The following SH3D19 variants were observed in gnomAD, a reference collection of about 807,000 sequenced individuals.
The protein encoded by SH3D19 is SH3 domain-containing protein 19.
SH3D19 carries 58 observed loss-of-function variants against 112.1 expected under a neutral mutation model. The ratio of observed to expected loss-of-function variants is 0.52; its 90% CI spans 0.42 to 0.64. The LOEUF (loss-of-function observed/expected upper bound fraction) is 0.64, where lower values mean the gene tolerates loss of function less well. Among genes scored for constraint, SH3D19 ranks in the 30% least tolerant of loss-of-function variants. The pLI, the probability that SH3D19 is intolerant of heterozygous loss-of-function variation, is 0.00. For missense variants in SH3D19, 1,090 were observed against 1,263.4 expected (o/e 0.86, Z 2.08); for synonymous variants, 391 against 448.5 (o/e 0.87, Z 1.62).
At chr4:151,166,935 T>C (rs1758137984) in intron 7 of SH3D19, among the ~76,000 whole-genome samples, 1 of 152,174 alleles carries the variant, frequency 6.6e-6, no homozygotes, top group Non-Finnish European at 1.5e-5. Context: ...TGCTCACATA[T>C]TTATGCCAGT....
chr4:151,245,163 A>AAATAAAATAAT (rs1554061536), intron 1 of SH3D19, among the ~76,000 whole-genome samples: 8 of 151,476 alleles, frequency 5.3e-5, no homozygotes, highest in Admixed American at 3.3e-4. Context: ...AAATAAAATA[A>AAATAAAATAAT]AATAATAATA....
At position 151,213,133 on chromosome 4, in the gene SH3D19, T is replaced by C. The variant is rs574647963; in HGVS notation, c.152+12914A>G. On this transcript the variant is annotated intron_variant, in intron 2 of 19. Transcript: ENST00000604030. ...TTCTGGATGAGCAAAGAAAGTAGAA[T>C]TTACTCCTGGTGAAGATGCTGTAAA... Among the ~76,000 whole-genome samples the C allele has an allele frequency of 4.6e-5, 7 of 152,310 alleles. No homozygotes were observed. In the South Asian group the frequency reaches 1.2e-3, roughly 27 times the overall value.
intron 2 of SH3D19, among the ~76,000 whole-genome samples, chr4:151,195,698 A>G (rs909493427): frequency 6.6e-6 from 1 of 152,012 alleles, no homozygotes; most frequent in Non-Finnish European, 1.5e-5. Flanking sequence ...GGCCATATAC[A>G]TGTTGGACAT....
intron 1 of SH3D19, among the ~76,000 whole-genome samples, chr4:151,255,908 C>T (rs899521860): frequency 1.3e-5 from 2 of 152,038 alleles, no homozygotes; most frequent in Non-Finnish European, 2.9e-5. Context: ...CGCAGGCATT[C>T]GGCAGGCTGT....
intron 2 of SH3D19, among the ~76,000 whole-genome samples, chr4:151,194,418 G>A (rs1763102653): frequency 6.6e-6 from 1 of 151,900 alleles, no homozygotes; most frequent in Admixed American, 6.6e-5. Flanking sequence ...TTAAATGCCA[G>A]GAAAAAAATA....
At chr4:151,189,242 C>A (rs1164334198) in intron 2 of SH3D19, among the ~76,000 whole-genome samples, 1 of 151,896 alleles carries the variant, frequency 6.6e-6, no homozygotes, top group East Asian at 1.9e-4. Context: ...GCCTCCCAAG[C>A]AGCTGGGACT....
intron 9 of SH3D19, among the ~76,000 whole-genome samples, chr4:151,157,760 A>G (rs937627766): frequency 1.3e-5 from 2 of 152,252 alleles, no homozygotes; most frequent in African/African-American, 4.8e-5. Context: ...ACAGCCATAA[A>G]AAAGAATGGA....
At position 151,122,194 on chromosome 4, in the gene SH3D19, A is replaced by G. The variant is rs552099992; in HGVS notation, c.3041T>C (p.Ile1014Thr). The G allele has an allele frequency of 6.3e-7, 1 of 1,590,068 alleles. No homozygotes were observed. The highest frequency in any genetic ancestry group is 1.3e-5 in the African/African-American group (1 of 74,552). Residue 1014 changes from isoleucine to threonine, a missense_variant, in exon 20 of 20, where the codon ATA becomes ACA. Physicochemically the swap from Ile to Thr is moderately conservative, Grantham distance 89 (BLOSUM62 -1). Transcript: ENST00000604030. ...ATCATCTACAGATTCCAGCTCTGTT[A>G]TTATATCTCCAGCCTGTAAGACAAA... ...DELSFKAGDI[I>T]TELESVDDDW...
rs181317323 is a variant in SH3D19, at chr4:151,258,658, C to T, written c.113-32572G>A. Among the ~76,000 whole-genome samples the T allele has an allele frequency of 3.3e-5, 5 of 152,302 alleles. No individual in the cohort carries two copies. In the East Asian group the frequency reaches 7.7e-4, roughly 24 times the overall value. ...GCTCTCCCAGGACAGCAGGGGACGC[C>T]GCAGACCCCCCAATTCCTCCCTTGG... On this transcript the variant is annotated intron_variant, in intron 1 of 19. Coordinates refer to ENST00000604030, the MANE Select transcript of SH3D19 (RefSeq NM_001378122.1).
chr4:151,202,292 G>A (rs917721969), intron 2 of SH3D19, among the ~76,000 whole-genome samples: 5 of 152,122 alleles, frequency 3.3e-5, no homozygotes, highest in Non-Finnish European at 5.9e-5. Flanking sequence ...CCGAGATCGC[G>A]CCACTGAATG....
intron 1 of SH3D19, among the ~76,000 whole-genome samples, chr4:151,290,286 G>A (rs1019657316): frequency 1.6e-4 from 24 of 152,146 alleles, no homozygotes; most frequent in African/African-American, 5.8e-4. Context: ...AATAATGGAA[G>A]CAATCACAAT....
At chr4:151,255,882 G>A (rs2407166) in intron 1 of SH3D19, among the ~76,000 whole-genome samples, 52,680 of 152,132 alleles carry the variant, frequency 0.35, 10,315 homozygotes, top group Non-Finnish European at 0.46. Flanking sequence ...CAGGCGTGGC[G>A]GTGCGAGCCT....
rs180932913 is a variant in SH3D19 at position 151,309,756 on chromosome 4, A to C, written c.112+15485T>G. Among the ~76,000 whole-genome samples the C allele has an allele frequency of 1.2e-3, 182 of 149,238 alleles. 1 individual carries two copies. The highest frequency in any genetic ancestry group is 4.2e-3 in the African/African-American group (172 of 40,516). On this transcript the variant is annotated intron_variant, in intron 1 of 19. Coordinates refer to ENST00000604030, the MANE Select transcript of SH3D19 (RefSeq NM_001378122.1). ...TGTAATCCCAGCACTTTGGGAGGCCAAGGCAGGAGGATCACTTGAGTCCAG... is the reference window on the plus strand; with the variant it reads ...TGTAATCCCAGCACTTTGGGAGGCCCAGGCAGGAGGATCACTTGAGTCCAG...
At chr4:151,279,211 G>A in intron 1 of SH3D19, 1 of 239,664 alleles carries the variant, frequency 4.2e-6, no homozygotes, top group Non-Finnish European at 8.1e-6. Flanking sequence ...AGAAGAGAAA[G>A]AGAAATGTGG....
At chr4:151,194,016 ATTTTTTTTTTTTTT>A (rs201719037) in intron 2 of SH3D19, among the ~76,000 whole-genome samples, 82,889 of 113,434 alleles carry the variant, frequency 0.73, 30,785 homozygotes, top group Non-Finnish European at 0.84. Flanking sequence ...AGTAGGATTA[ATTTTTTTTTTTTTT>A]TTTTTTTTTT....
intron 1 of SH3D19, among the ~76,000 whole-genome samples, chr4:151,303,379 T>C (rs541190064): frequency 6.6e-6 from 1 of 152,360 alleles, no homozygotes; most frequent in Admixed American, 6.5e-5. Context: ...GCATTTGCTA[T>C]GATTATTACA....
chr4:151,122,044 T>C lies in SH3D19; in HGVS notation c.*47A>G, dbSNP rs1456443714. ...AAAACATATCTGATAGTCAAGGTGA[T>C]AGTTCAAGTGAGTTCTTGTGCCAAG... On this transcript the variant is annotated 3_prime_UTR_variant, in exon 20 of 20. Transcript: ENST00000604030. 1.1e-6 allele frequency: 1 copy of C among 894,006 alleles called. No individual in the cohort carries two copies. Among genetic ancestry groups the C allele is most frequent in the Non-Finnish European group, 1.8e-6 (1 of 544,006 alleles). 55.4% of individuals were successfully genotyped at this position (894,006 alleles called of 1,614,324 possible). A position where few individuals can be genotyped will look rare whatever the true frequency, so the allele number is the denominator to read the frequency against.
intron 1 of SH3D19, among the ~76,000 whole-genome samples, chr4:151,274,678 A>G (rs375307160): frequency 5.9e-5 from 9 of 152,316 alleles, no homozygotes; most frequent in South Asian, 2.1e-4. Context: ...GGGTTGTCCT[A>G]TGGCAGCTCC....
intron 1 of SH3D19, among the ~76,000 whole-genome samples, chr4:151,231,897 G>A (rs1561385539): frequency 6.6e-6 from 1 of 152,182 alleles, no homozygotes; most frequent in Non-Finnish European, 1.5e-5. Context: ...AAGAATTTAT[G>A]TCTTGGCTGG....
Sources: allele counts gnomAD v4.1 joint callset (sites outside exome capture counted in the v4.1 genomes callset), GRCh38; gene constraint gnomAD v4.1.1; transcripts MANE v1.5; gene names NCBI Gene and HGNC (gene_info 2026-07-23, HGNC 2026-07-21).